The following ANO5 variants were observed in gnomAD, a reference collection of about 807,000 sequenced individuals.
The protein encoded by ANO5 is anoctamin-5.
Under a neutral mutation model 121.0 loss-of-function variants are expected in ANO5, and 109 were observed. That is an observed-to-expected ratio of 0.90 (90% confidence interval 0.77 to 1.06). The LOEUF (loss-of-function observed/expected upper bound fraction) is 1.06, where lower values mean the gene tolerates loss of function less well. Among genes scored for constraint, ANO5 ranks in the 50% least tolerant of loss-of-function variants. ANO5 has a pLI of 0.00. For missense variants in ANO5, 1,064 were observed against 1,078.5 expected (o/e 0.99, Z 0.19); for synonymous variants, 406 against 359.9 (o/e 1.13, Z -1.45).
chr11:22,272,879 G>C lies in ANO5; in HGVS notation c.2125G>C (p.Ala709Pro). 6.2e-7 allele frequency: 1 copy of C among 1,613,980 alleles called. No homozygotes were observed. Among genetic ancestry groups the C allele is most frequent in the Non-Finnish European group, 8.5e-7 (1 of 1,179,916 alleles). ...INNIVEIRVDAWKLTTQYRRT... is the reference protein window; with the variant it reads ...INNIVEIRVDPWKLTTQYRRT... Reference sequence around the variant, plus strand: ...TAATATTGTAGAGATTCGAGTGGATGCCTGGAAACTTACCACTCAATACAG... The same window carrying C: ...TAATATTGTAGAGATTCGAGTGGATCCCTGGAAACTTACCACTCAATACAG... The change falls in exon 19 of 22, where the codon GCC becomes CCC. Residue 709 changes from alanine (A) to proline (P), a missense_variant. Coordinates refer to ENST00000324559, the MANE Select transcript of ANO5 (RefSeq NM_213599.3).
chr11:22,231,906 G>T (rs550916794), intron 7 of ANO5, among the ~76,000 whole-genome samples: 26 of 151,912 alleles, frequency 1.7e-4, no homozygotes, highest in African/African-American at 5.3e-4. Context: ...CTTAATGGAC[G>T]CATAAAATGA....
chr11:22,255,444 A>G lies in ANO5; in HGVS notation c.1254A>G (p.Glu418=), dbSNP rs368092838. 1.4e-5 allele frequency: 22 copies of G among 1,613,338 alleles called. 1 individual carries two copies. In the East Asian group the frequency reaches 2.0e-4, roughly 15 times the overall value. Residue 418 remains glutamate (E), a synonymous_variant, in exon 13 of 22, where the codon GAA becomes GAG. Coordinates refer to ENST00000324559, the MANE Select transcript of ANO5 (RefSeq NM_213599.3). ...LEYEWDLVDF[E]EEQQQLQLRP... ...ATGAATGGGACCTGGTGGACTTTGA[A>G]GAGGAACAGCAGCAGCTTCAGCTGA...
chr11:22,203,955 T>TAA, intron 2 of ANO5, 105 bp downstream of exon 2: 9 of 705,708 alleles, frequency 1.3e-5, no homozygotes, highest in Non-Finnish European at 2.1e-5. Context: ...CATTCTATTA[T>TAA]GCCCTCTAAT....
intron 5 of ANO5, among the ~76,000 whole-genome samples, chr11:22,223,138 C>A (rs2133596111): frequency 6.6e-6 from 1 of 152,160 alleles, no homozygotes; most frequent in East Asian, 1.9e-4. Context: ...CATTCTCTTT[C>A]TTCTTGCCTA....
At chr11:22,219,623 C>T (rs914046200) in intron 4 of ANO5, among the ~76,000 whole-genome samples, 2 of 151,938 alleles carry the variant, frequency 1.3e-5, no homozygotes, top group Admixed American at 1.3e-4. Context: ...CCTCAGTTGC[C>T]TTCCAAGAAT....
chr11:22,240,835 C>T (rs1164229271), intron 9 of ANO5, among the ~76,000 whole-genome samples: 1 of 151,246 alleles, frequency 6.6e-6, no homozygotes, highest in East Asian at 1.9e-4. Flanking sequence ...GCAATGGCAT[C>T]TTTCTCTTCT....
intron 5 of ANO5, 74 bp from the exon 6 acceptor site, chr11:22,225,910 T>C: frequency 2.6e-6 from 3 of 1,145,910 alleles, no homozygotes; most frequent in Non-Finnish European, 3.9e-6. Context: ...AGCCATTGTA[T>C]ATTGAATCTG....
At chr11:22,241,341 G>A (rs997294975) in intron 9 of ANO5, among the ~76,000 whole-genome samples, 2 of 74,212 alleles carry the variant, frequency 2.7e-5, no homozygotes, top group African/African-American at 1.2e-4. Context: ...TGTGAATAGT[G>A]CTGCAATGGA....
At position 22,193,243 on chromosome 11, in the gene ANO5, G is replaced by A; in HGVS notation, c.-250G>A. 3.5e-6 allele frequency: 4 copies of A among 1,130,876 alleles called. No homozygotes were observed. Among genetic ancestry groups the A allele is most frequent in the Non-Finnish European group, 4.4e-6 (4 of 915,112 alleles). The allele number at this position is 1,130,876 out of a possible 1,614,324, so 70.1% of individuals were successfully genotyped here. A position where few individuals can be genotyped will look rare whatever the true frequency, so the allele number is the denominator to read the frequency against. ...GGGCCAAGCGCGCGAAGCAGGTTGTGGGGGACCGGGTCGAGTGGAAGTACC... is the reference window on the plus strand; with the variant it reads ...GGGCCAAGCGCGCGAAGCAGGTTGTAGGGGACCGGGTCGAGTGGAAGTACC... On this transcript the variant is annotated 5_prime_UTR_variant, in exon 1 of 22. Coordinates refer to ENST00000324559, the MANE Select transcript of ANO5 (RefSeq NM_213599.3).
At chr11:22,225,054 C>G (rs1852778509) in intron 5 of ANO5, among the ~76,000 whole-genome samples, 1 of 151,938 alleles carries the variant, frequency 6.6e-6, no homozygotes, top group Admixed American at 6.6e-5. Context: ...GCATTTATTA[C>G]TACTGAACTA....
At chr11:22,278,040 T>A (rs956595335) in intron 21 of ANO5, 15 of 151,734 alleles carry the variant, frequency 9.9e-5, no homozygotes, top group African/African-American at 3.6e-4. Flanking sequence ...CTTAAAAAAA[T>A]TTTTAATCAA....
upstream of ANO5, chr11:22,192,975 C>T (rs1373719095): frequency 3.0e-6 from 3 of 984,502 alleles, no homozygotes; most frequent in Non-Finnish European, 3.6e-6. Context: ...GGGGAGATGG[C>T]GGTCTCCGAG....
intron 20 of ANO5, among the ~76,000 whole-genome samples, chr11:22,274,979 T>C (rs1854778568): frequency 6.6e-6 from 1 of 151,978 alleles, no homozygotes; most frequent in African/African-American, 2.4e-5. Context: ...AAAACTAAGA[T>C]TATGGGTAAA....
chr11:22,253,051 A>G (rs772259640), intron 12 of ANO5, among the ~76,000 whole-genome samples: 4 of 152,170 alleles, frequency 2.6e-5, no homozygotes, highest in Admixed American at 6.6e-5. Flanking sequence ...GGCATATGGT[A>G]TGTATTCAAA....
intron 1 of ANO5, among the ~76,000 whole-genome samples, chr11:22,198,983 T>C (rs1267361999): frequency 6.6e-6 from 1 of 152,152 alleles, no homozygotes; most frequent in East Asian, 1.9e-4. Flanking sequence ...TAATACTGCA[T>C]GATGTTTAAT....
rs982841773 is a variant in ANO5 at position 22,209,004 on chromosome 11, A to C, written c.88-2260A>C. Among the ~76,000 whole-genome samples the C allele has an allele frequency of 2.6e-5, 4 of 151,968 alleles. No homozygotes were observed. The East Asian group carries it at 7.7e-4, about 29-fold the overall frequency. On this transcript the variant is annotated intron_variant, in intron 2 of 21. Transcript: ENST00000324559. ...GCATATTCATTCAACTATTGGATTG[A>C]GGCAGAACTAGAATCAATGGATTTT...
chr11:22,235,245 T>G (rs1853175988), intron 7 of ANO5, among the ~76,000 whole-genome samples: 1 of 152,132 alleles, frequency 6.6e-6, no homozygotes, highest in South Asian at 2.1e-4. Context: ...TCCACTTTGT[T>G]AACATCCCAA....
rs772625102 is a variant in ANO5 at position 22,272,850 on chromosome 11, T to C, written c.2096T>C (p.Ile699Thr). 1.3e-5 allele frequency: 21 copies of C among 1,614,026 alleles called. No homozygotes were observed. In the Admixed American group the frequency reaches 3.5e-4, roughly 27 times the overall value. Residue 699 changes from isoleucine to threonine, a missense_variant, in exon 19 of 22, where the codon ATA becomes ACA. Physicochemically the swap from Ile to Thr is moderately conservative, Grantham distance 89. Coordinates refer to ENST00000324559, the MANE Select transcript of ANO5 (RefSeq NM_213599.3). ...CCTTTGGCTCCTCTTCTTGCTCTCA[T>C]AAATAATATTGTAGAGATTCGAGTG... ...SFPLAPLLAL[I>T]NNIVEIRVDA...
At chr11:22,269,947 A>G (rs151248200) in intron 17 of ANO5, among the ~76,000 whole-genome samples, 15 of 152,182 alleles carry the variant, frequency 9.9e-5, no homozygotes, top group African/African-American at 3.6e-4. Context: ...AGTCAATTTC[A>G]TATTTGTTTG....
Sources: gnomAD v4.1 joint callset for allele counts (sites outside exome capture counted in the v4.1 genomes callset) on GRCh38, gnomAD v4.1.1 for gene constraint, MANE v1.5 for transcripts, NCBI Gene and HGNC (gene_info 2026-07-23, HGNC 2026-07-21) for gene names.